SGCD: variants seen among roughly 807,000 people sequenced by gnomAD.
SGCD encodes delta-sarcoglycan.
Under a neutral mutation model 36.6 loss-of-function variants are expected in SGCD, and 18 were observed. The observed-to-expected ratio is 0.49, with a 90% CI of 0.34 to 0.73. The LOEUF (loss-of-function observed/expected upper bound fraction) is 0.73. Among genes scored for constraint, SGCD ranks in the 30% least tolerant of loss-of-function variants. The pLI, the probability that SGCD is intolerant of heterozygous loss-of-function variation, is 0.01. For synonymous variants in SGCD, 133 were observed against 130.6 expected (o/e 1.02, Z -0.12); for missense variants, 387 against 346.7 (o/e 1.12, Z -0.92).
chr5:156,156,814 A>G (rs1288232655), intron 3 of SGCD, among the ~76,000 whole-genome samples: 3 of 151,474 alleles, frequency 2.0e-5, no homozygotes, highest in Admixed American at 6.6e-5. Flanking sequence ...ATGTGTCACA[A>G]TTAAATTCTA....
intron 4 of SGCD, among the ~76,000 whole-genome samples, chr5:156,558,125 T>TA (rs60731810): frequency 0.03 from 3,223 of 107,658 alleles, 187 homozygotes; most frequent in Non-Finnish European, 0.042. Flanking sequence ...ATATATATAT[T>TA]ATTTAACTCT....
chr5:155,773,180 T>C, the SGCD span, among the ~76,000 whole-genome samples: 1 of 152,100 alleles, frequency 6.6e-6, no homozygotes, highest in African/African-American at 2.4e-5. Flanking sequence ...TTTAGAAGTG[T>C]CCACTTCTGC....
At chr5:155,923,269 C>CATAT (rs1271056239) in intron 1 of SGCD, among the ~76,000 whole-genome samples, 1 of 152,122 alleles carries the variant, frequency 6.6e-6, no homozygotes, top group Non-Finnish European at 1.5e-5. Flanking sequence ...ACCAAAAAGA[C>CATAT]ATATATTGGG....
At chr5:156,277,957 A>G (rs988829353) in intron 3 of SGCD, among the ~76,000 whole-genome samples, 2 of 152,212 alleles carry the variant, frequency 1.3e-5, no homozygotes, top group African/African-American at 4.8e-5. Flanking sequence ...CAATTGTATA[A>G]GCAGTAAAGG....
upstream of SGCD, chr5:155,870,284 C>T (rs1485106610): frequency 1.3e-5 from 2 of 152,098 alleles, no homozygotes; most frequent in African/African-American, 4.8e-5. Flanking sequence ...TGAGTTAATA[C>T]TTGTAAAATG....
intron 1 of SGCD, among the ~76,000 whole-genome samples, chr5:155,870,855 G>C (rs79839465): frequency 6.6e-6 from 1 of 151,982 alleles, no homozygotes; most frequent in Non-Finnish European, 1.5e-5. Flanking sequence ...TTTGACTTAC[G>C]GGTCACAACA....
intron 1 of SGCD, among the ~76,000 whole-genome samples, chr5:155,872,187 A>G (rs893518247): frequency 6.6e-5 from 10 of 152,220 alleles, no homozygotes; most frequent in Non-Finnish European, 1.3e-4. Context: ...ACCCTTTCCT[A>G]GGTGAGTAAT....
chr5:156,393,862 G>C (rs934503852), intron 3 of SGCD: 8 of 456,088 alleles, frequency 1.8e-5, no homozygotes, highest in African/African-American at 1.4e-4. Flanking sequence ...CCACTTTGCT[G>C]CTGGTGAGTT....
intron 3 of SGCD, among the ~76,000 whole-genome samples, chr5:156,489,174 A>T (rs1755831373): frequency 6.6e-6 from 1 of 152,128 alleles, no homozygotes; most frequent in South Asian, 2.1e-4. Flanking sequence ...GCAAGAGGAT[A>T]TAATAATTCT....
At chr5:156,427,202 G>T (rs1042608967) in intron 3 of SGCD, among the ~76,000 whole-genome samples, 7 of 152,158 alleles carry the variant, frequency 4.6e-5, no homozygotes, top group Non-Finnish European at 4.4e-5. Flanking sequence ...ATTTGTTTGT[G>T]TCACATATGA....
intron 1 of SGCD, among the ~76,000 whole-genome samples, chr5:156,033,071 C>T (rs1264866953): frequency 6.6e-6 from 1 of 151,170 alleles, no homozygotes; most frequent in Non-Finnish European, 1.5e-5. Context: ...AGTGAGACAT[C>T]GTCTCAAAAA....
At chr5:156,731,112 G>T (rs550085403) in intron 7 of SGCD, among the ~76,000 whole-genome samples, 6 of 151,792 alleles carry the variant, frequency 4.0e-5, no homozygotes, top group Admixed American at 2.6e-4. Flanking sequence ...TCTGACAAAG[G>T]TCTATAATAT....
chr5:156,150,143 G>C (rs981953828), intron 3 of SGCD, among the ~76,000 whole-genome samples: 1 of 152,032 alleles, frequency 6.6e-6, no homozygotes, highest in African/African-American at 2.4e-5. Context: ...AGTCTTCAGG[G>C]CTCCCTGCAC....
intron 3 of SGCD, among the ~76,000 whole-genome samples, chr5:156,195,881 C>A (rs1050783816): frequency 2.0e-5 from 3 of 152,142 alleles, no homozygotes; most frequent in African/African-American, 7.2e-5. Flanking sequence ...CCAGAGGCAG[C>A]AGTTGATTCC....
chr5:156,353,980 A>G (rs1769380525), intron 3 of SGCD, among the ~76,000 whole-genome samples: 1 of 152,116 alleles, frequency 6.6e-6, no homozygotes, highest in South Asian at 2.1e-4. Context: ...TATACAATCT[A>G]TTGGGCATAT....
intron 2 of SGCD, among the ~76,000 whole-genome samples, chr5:156,118,886 G>A (rs1761966754): frequency 6.6e-6 from 1 of 152,166 alleles, no homozygotes; most frequent in South Asian, 2.1e-4. Flanking sequence ...AGAAGGGAAG[G>A]TCTTTAATAC....
intron 3 of SGCD, among the ~76,000 whole-genome samples, chr5:156,348,630 A>G (rs1038472514): frequency 3.3e-5 from 5 of 152,238 alleles, no homozygotes; most frequent in Non-Finnish European, 7.3e-5. Context: ...AAACCATCCC[A>G]TGCTCATGAA....
At chr5:156,695,128 GTGTGTGTGTT>G (rs1273110232) in intron 7 of SGCD, among the ~76,000 whole-genome samples, 7 of 125,404 alleles carry the variant, frequency 5.6e-5, no homozygotes, top group East Asian at 4.6e-4. Context: ...GTGTGTGTGT[GTGTGTGTGTT>G]TGTGTGTGTG....
At chr5:156,523,703 G>A (rs72801133) in intron 4 of SGCD, among the ~76,000 whole-genome samples, 2,062 of 151,938 alleles carry the variant, frequency 0.014, 27 homozygotes, top group Non-Finnish European at 0.021. Context: ...ATTCTTACAC[G>A]GTAGAGTTCA....
Sources: gnomAD v4.1 joint callset for allele counts (sites outside exome capture counted in the v4.1 genomes callset) on GRCh38, gnomAD v4.1.1 for gene constraint, MANE v1.5 for transcripts, NCBI Gene and HGNC (gene_info 2026-07-23, HGNC 2026-07-21) for gene names.